Variants in CD244 observed in about 807,000 individuals in gnomAD.
CD244 encodes the protein CD244 molecule.
Under a neutral mutation model 45.5 loss-of-function variants are expected in CD244, and 20 were observed. That is an observed-to-expected ratio of 0.44 (90% CI 0.31 to 0.64). The LOEUF (loss-of-function observed/expected upper bound fraction) is 0.64. Among genes scored for constraint, CD244 ranks in the 30% least tolerant of loss-of-function variants. CD244 has a pLI of 0.08. For synonymous variants in CD244, 185 were observed against 160.5 expected (o/e 1.15, Z -1.15); for missense variants, 407 against 426.9 (o/e 0.95, Z 0.41).
At chr1:160,834,391 T>C (rs1182582417) in intron 6 of CD244, among the ~76,000 whole-genome samples, 1 of 152,250 alleles carries the variant, frequency 6.6e-6, no homozygotes, top group Non-Finnish European at 1.5e-5. Flanking sequence ...AGTTTCGCTC[T>C]ATTGCCTGGG....
intron 1 of CD244, among the ~76,000 whole-genome samples, chr1:160,854,778 T>G (rs1419365018): frequency 6.6e-6 from 1 of 152,198 alleles, no homozygotes; most frequent in Non-Finnish European, 1.5e-5. Context: ...GGCCGTTATA[T>G]TTTATTTTTA....
In CD244 at chr1:160,830,599, G is replaced by T. The variant is rs565490611; in HGVS notation, c.*748C>A. 6.6e-6 allele frequency: 1 copy of T among 152,306 alleles called. No individual in the cohort carries two copies. Among genetic ancestry groups the T allele is most frequent in the East Asian group, 1.9e-4 (1 of 5,324 alleles). 9.4% of individuals were successfully genotyped at this position (152,306 alleles called of 1,614,324 possible). The stretch of plus-strand genomic sequence containing the variant: ...AAGCCAAATGGATTTCTAACAATGC[G>T]TCTTCATAAATCAAACATCATACCA... On this transcript the variant is annotated 3_prime_UTR_variant, in exon 9 of 9. Coordinates refer to ENST00000368034, the MANE Select transcript of CD244 (RefSeq NM_016382.4).
intron 1 of CD244, among the ~76,000 whole-genome samples, chr1:160,850,436 T>C (rs886848427): frequency 7.2e-5 from 11 of 152,186 alleles, no homozygotes; most frequent in African/African-American, 2.7e-4. Context: ...CAATAAAAAT[T>C]ATTGCAGGTT....
At chr1:160,843,064 G>C (rs1217863319) in intron 1 of CD244, among the ~76,000 whole-genome samples, 1 of 152,078 alleles carries the variant, frequency 6.6e-6, no homozygotes, top group Non-Finnish European at 1.5e-5. Context: ...GAGACAGAGG[G>C]GTTTTTATAT....
Position 160,841,318 on chromosome 1 carries a change from C to T in CD244, c.547G>A (p.Glu183Lys). Reference sequence around the variant, plus strand: ...GTGTGAGTGCCATTAATGTCAACCTCCTCGTCCAGGTAGGTGAGGTTCCCT... The same window carrying T: ...GTGTGAGTGCCATTAATGTCAACCTTCTCGTCCAGGTAGGTGAGGTTCCCT... ...TAGNLTYLDEEVDINGTHTYT... is the reference protein window; with the variant it reads ...TAGNLTYLDEKVDINGTHTYT... The change falls in exon 3 of 9, where the codon GAG becomes AAG. Residue 183 changes from glutamate (E) to lysine (K), a missense_variant. Coordinates refer to ENST00000368034, the MANE Select transcript of CD244 (RefSeq NM_016382.4). 1.2e-6 allele frequency: 2 copies of T among 1,614,190 alleles called. No homozygotes were observed. The highest frequency in any genetic ancestry group is 2.2e-5 in the East Asian group (1 of 44,888).
At chr1:160,856,622 C>T (rs762900513) in intron 1 of CD244, among the ~76,000 whole-genome samples, 3 of 152,130 alleles carry the variant, frequency 2.0e-5, no homozygotes, top group Non-Finnish European at 4.4e-5. Context: ...ATAGCATTTC[C>T]ATCTTCCCTT....
At chr1:160,860,508 T>C (rs1388192643) in intron 1 of CD244, among the ~76,000 whole-genome samples, 1 of 152,164 alleles carries the variant, frequency 6.6e-6, no homozygotes, top group African/African-American at 2.4e-5. Context: ...GAAAGCATAT[T>C]TGATGGTATT....
At chr1:160,832,007 T>A (rs1457742927) in intron 8 of CD244, among the ~76,000 whole-genome samples, 5 of 152,196 alleles carry the variant, frequency 3.3e-5, no homozygotes, top group Admixed American at 6.5e-5. Flanking sequence ...CCAAGAAATG[T>A]TGAGTCCCTC....
In CD244 at chr1:160,862,731, C is replaced by G. The variant is rs770608483; in HGVS notation, c.-54G>C. 5 of 1,543,836 alleles carry G rather than the reference C, an allele frequency of 3.2e-6. No homozygotes were observed. The highest frequency in any genetic ancestry group is 2.3e-5 in the East Asian group (1 of 44,256). On this transcript the variant is annotated 5_prime_UTR_variant, in exon 1 of 9. Coordinates refer to ENST00000368034, the MANE Select transcript of CD244 (RefSeq NM_016382.4). ...CCCTCCACCCCACCAGACTCTCTGC[C>G]GTGCACGGGCTCAGCAGTCCCCAGT...
At chr1:160,842,026 G>A (rs1669564412) in intron 1 of CD244, 125 bp from the exon 2 acceptor site, 2 of 698,122 alleles carry the variant, frequency 2.9e-6, no homozygotes, top group African/African-American at 1.8e-5. Flanking sequence ...CAGAACCTAG[G>A]AGCACCTTAA....
intron 1 of CD244, among the ~76,000 whole-genome samples, chr1:160,856,819 G>A (rs1459759246): frequency 5.9e-5 from 9 of 151,918 alleles, no homozygotes; most frequent in African/African-American, 1.7e-4. Context: ...TAAACAAATG[G>A]TATTACAGCA....
At chr1:160,833,148 A>C (rs1051839049) in intron 7 of CD244, among the ~76,000 whole-genome samples, 1 of 152,180 alleles carries the variant, frequency 6.6e-6, no homozygotes, top group Non-Finnish European at 1.5e-5. Context: ...TAGAGTTTAC[A>C]TACACCAAAG....
At chr1:160,848,445 G>A in intron 1 of CD244, 2 of 550,190 alleles carry the variant, frequency 3.6e-6, no homozygotes, top group Non-Finnish European at 3.6e-6. Flanking sequence ...GAGCCCTTTG[G>A]GTCCAGGAAT....
chr1:160,832,693 G>A lies in CD244; in HGVS notation c.961-118C>T, dbSNP rs1350754814. On this transcript the variant is annotated intron_variant, in intron 7 of 8. Transcript: ENST00000368034. ...CCAGAAAAATTCTGAGGCACTCTCA[G>A]CCAGAAAATGAATAGAATCTGTCAC... The A allele has an allele frequency of 1.9e-6, 3 of 1,542,760 alleles. No homozygotes were observed. The Admixed American group carries it at 5.8e-5, about 30-fold the overall frequency.
intron 1 of CD244, among the ~76,000 whole-genome samples, chr1:160,853,635 A>G (rs903592265): frequency 2.6e-5 from 4 of 152,106 alleles, no homozygotes; most frequent in Non-Finnish European, 5.9e-5. Flanking sequence ...AAACATTACC[A>G]TAGCAAGTGA....
At chr1:160,840,411 G>A (rs1186985033) in intron 3 of CD244, among the ~76,000 whole-genome samples, 1 of 151,796 alleles carries the variant, frequency 6.6e-6, no homozygotes, top group Non-Finnish European at 1.5e-5. Flanking sequence ...ACAGGTGCCC[G>A]CCAACACGCC....
rs181153439 is a variant in CD244 at position 160,842,002 on chromosome 1, G to T, written c.62-101C>A. 6 of 865,048 alleles carry T rather than the reference G, an allele frequency of 6.9e-6. No homozygotes were observed. The South Asian group carries it at 9.5e-5, about 14-fold the overall frequency. 53.6% of individuals were successfully genotyped at this position (865,048 alleles called of 1,614,324 possible). On this transcript the variant is annotated intron_variant, in intron 1 of 8. Transcript: ENST00000368034. ...TCCCTTAAGCCAATTGGGTGGGGAT[G>T]AGTATGAGGAGCCCAGAACCTAGGA...
chr1:160,861,755 T>C (rs927358140), intron 1 of CD244, among the ~76,000 whole-genome samples: 1 of 152,094 alleles, frequency 6.6e-6, no homozygotes, highest in African/African-American at 2.4e-5. Context: ...GAGAATCACT[T>C]GAACCCGGGA....
At chr1:160,849,778 C>T (rs1381381591) in intron 1 of CD244, among the ~76,000 whole-genome samples, 1 of 152,188 alleles carries the variant, frequency 6.6e-6, no homozygotes, top group Non-Finnish European at 1.5e-5. Context: ...GTAATCCCAG[C>T]ACTTTGGGCA....
Sources: gnomAD v4.1 joint callset for allele counts (sites outside exome capture counted in the v4.1 genomes callset) on GRCh38, gnomAD v4.1.1 for gene constraint, MANE v1.5 for transcripts, NCBI Gene and HGNC (gene_info 2026-07-23, HGNC 2026-07-21) for gene names.